The following SIPA1L2 variants were observed in gnomAD, a reference collection of about 807,000 sequenced individuals.
SIPA1L2 encodes the protein signal induced proliferation associated 1 like 2.
SIPA1L2 carries 56 observed loss-of-function variants against 163.9 expected under a neutral mutation model. The ratio of observed to expected loss-of-function variants is 0.34; its 90% CI spans 0.28 to 0.43. SIPA1L2 has a LOEUF of 0.43. Ranked by LOEUF, SIPA1L2 falls within the 20% of genes least tolerant of loss-of-function variation. The pLI is 1.00. For missense variants in SIPA1L2, 1,974 were observed against 2,193.5 expected (o/e 0.90, Z 2.00); for synonymous variants, 877 against 865.7 (o/e 1.01, Z -0.23).
chr1:232,475,378 C>G (rs1664990366), intron 7 of SIPA1L2, among the ~76,000 whole-genome samples: 1 of 152,200 alleles, frequency 6.6e-6, no homozygotes, highest in South Asian at 2.1e-4. Flanking sequence ...CCTAATTTTG[C>G]ACTTATACAT....
intron 8 of SIPA1L2, among the ~76,000 whole-genome samples, chr1:232,467,274 G>A (rs1664571073): frequency 6.6e-6 from 1 of 152,116 alleles, no homozygotes. Flanking sequence ...AGCACCTAGT[G>A]GTGCTTTATG....
chr1:232,450,947 G>A (rs1303707996), intron 10 of SIPA1L2, among the ~76,000 whole-genome samples: 2 of 152,204 alleles, frequency 1.3e-5, no homozygotes, highest in East Asian at 3.9e-4. Flanking sequence ...TGTGCAGAAA[G>A]TCATATAGGA....
intron 2 of SIPA1L2, among the ~76,000 whole-genome samples, chr1:232,537,482 A>G (rs1245722598): frequency 6.6e-6 from 1 of 152,158 alleles, no homozygotes; most frequent in African/African-American, 2.4e-5. Context: ...ACTAAAATTC[A>G]AAAGATAAAA....
chr1:232,552,856 G>A (rs1039312536), intron 2 of SIPA1L2, among the ~76,000 whole-genome samples: 6 of 152,178 alleles, frequency 3.9e-5, no homozygotes, highest in Admixed American at 2.0e-4. Flanking sequence ...ACAACGGGGG[G>A]TGGCACCCCT....
At chr1:232,556,042 G>T (rs1315156300) in intron 2 of SIPA1L2, among the ~76,000 whole-genome samples, 1 of 152,202 alleles carries the variant, frequency 6.6e-6, no homozygotes, top group Non-Finnish European at 1.5e-5. Flanking sequence ...GCTAACACAG[G>T]ATTCCTTAAA....
chr1:232,421,208 C>T (rs1305956669), intron 18 of SIPA1L2, among the ~76,000 whole-genome samples: 1 of 152,182 alleles, frequency 6.6e-6, no homozygotes, highest in South Asian at 2.1e-4. Flanking sequence ...ACAATTCTTA[C>T]TGCCCATGTT....
intron 2 of SIPA1L2, among the ~76,000 whole-genome samples, chr1:232,517,250 T>C (rs979990405): frequency 1.3e-5 from 2 of 152,300 alleles, no homozygotes; most frequent in East Asian, 1.9e-4. Context: ...ATCCAAATAA[T>C]GAGGACAAAC....
At chr1:232,581,816 C>A (rs1321874396) in intron 1 of SIPA1L2, among the ~76,000 whole-genome samples, 1 of 152,140 alleles carries the variant, frequency 6.6e-6, no homozygotes, top group Non-Finnish European at 1.5e-5. Context: ...TCCCCTTACC[C>A]AAAATAAACA....
intron 2 of SIPA1L2, among the ~76,000 whole-genome samples, chr1:232,544,363 T>C (rs553353031): frequency 1.3e-3 from 200 of 152,186 alleles, no homozygotes; most frequent in Non-Finnish European, 1.4e-3. Flanking sequence ...AGATGGAGAC[T>C]ATCCTGGCTA....
chr1:232,474,599 C>G (rs61823599), intron 7 of SIPA1L2, among the ~76,000 whole-genome samples: 33,845 of 152,062 alleles, frequency 0.22, 4,069 homozygotes, highest in Middle Eastern at 0.32. Context: ...TATTTCAAAG[C>G]AGCTGCAAAA....
chr1:232,623,124 G>A (rs1662904645), intron 1 of SIPA1L2, among the ~76,000 whole-genome samples: 1 of 152,206 alleles, frequency 6.6e-6, no homozygotes, highest in African/African-American at 2.4e-5. Flanking sequence ...GCTCCCTGCT[G>A]TCTCTCCTCA....
At chr1:232,582,675 A>C (rs998880969) in intron 1 of SIPA1L2, among the ~76,000 whole-genome samples, 2 of 152,172 alleles carry the variant, frequency 1.3e-5, no homozygotes, top group Admixed American at 1.3e-4. Context: ...TATACCCAGT[A>C]ATGGAATTGC....
chr1:232,504,678 T>G (rs750071940), intron 3 of SIPA1L2, among the ~76,000 whole-genome samples: 1 of 152,236 alleles, frequency 6.6e-6, no homozygotes, highest in Non-Finnish European at 1.5e-5. Flanking sequence ...TTTGCTCTTT[T>G]GACCCAAATT....
rs1044243951 is a variant in SIPA1L2, at chr1:232,460,921, T to C, written c.3061A>G (p.Ile1021Val). The C allele has an allele frequency of 9.3e-6, 15 of 1,614,088 alleles. No homozygotes were observed. Among genetic ancestry groups the C allele is most frequent in the Non-Finnish European group, 1.0e-5 (12 of 1,180,032 alleles). ...GAGCCGTCATCATGGGGCTGGATGA[T>C]GACCACCTTCACAGTCACAGAAGTA... Reference protein sequence around the residue: ...LRTSVTVKVVIIQPHDDGSPR... With the variant: ...LRTSVTVKVVVIQPHDDGSPR... The change falls in exon 10 of 23, where the codon ATC (isoleucine) becomes GTC (valine). Residue 1021 changes from isoleucine (I) to valine (V), a missense_variant. Coordinates refer to ENST00000674635, the MANE Select transcript of SIPA1L2 (RefSeq NM_020808.5).
At position 232,629,975 on chromosome 1, in the gene SIPA1L2, C is replaced by G. The variant is rs1049152543; in HGVS notation, c.-425G>C. Among the ~76,000 whole-genome samples the G allele has an allele frequency of 2.0e-5, 3 of 150,578 alleles. No individual in the cohort carries two copies. Among genetic ancestry groups the G allele is most frequent in the Non-Finnish European group, 3.0e-5 (2 of 67,504 alleles). ...CCGCTGCCCGGGGCTGCCCATCGGC[C>G]CGGACTCTCCCCGCGCCGGGCTCCG... On this transcript the variant is annotated 5_prime_UTR_variant, in exon 1 of 23. Coordinates refer to ENST00000674635, the MANE Select transcript of SIPA1L2 (RefSeq NM_020808.5).
At chr1:232,604,458 G>A (rs1003520435) in intron 1 of SIPA1L2, among the ~76,000 whole-genome samples, 7 of 152,192 alleles carry the variant, frequency 4.6e-5, no homozygotes, top group Non-Finnish European at 7.3e-5. Flanking sequence ...CCAGGCACTT[G>A]ACAAAGCACT....
rs1363226104 is a variant in SIPA1L2 at position 232,400,385 on chromosome 1, A to G, written c.5023-1112T>C. ...GTGATCCATGAACTTGGATTCTGCC[A>G]AGAAGACCTTGTGCACGCTCAGTCT... is the stretch of plus-strand genomic sequence containing the variant. On this transcript the variant is annotated intron_variant, in intron 22 of 22. Coordinates refer to ENST00000674635, the MANE Select transcript of SIPA1L2 (RefSeq NM_020808.5). Among the ~76,000 whole-genome samples, 3 of 152,144 alleles carry G rather than the reference A, an allele frequency of 2.0e-5. 1 individual carries two copies. The highest frequency in any genetic ancestry group is 2.0e-4 in the Admixed American group (3 of 15,274).
chr1:232,559,890 C>A (rs1658933178), intron 2 of SIPA1L2, among the ~76,000 whole-genome samples: 1 of 152,176 alleles, frequency 6.6e-6, no homozygotes, highest in African/African-American at 2.4e-5. Flanking sequence ...TAATTCAATG[C>A]AGATATAAAC....
chr1:232,401,553 T>G (rs965431284), intron 22 of SIPA1L2, among the ~76,000 whole-genome samples: 9 of 152,200 alleles, frequency 5.9e-5, no homozygotes, highest in African/African-American at 2.2e-4. Flanking sequence ...CCTGTGTATG[T>G]GAATGAACAT....
Sources: allele counts gnomAD v4.1 joint callset (sites outside exome capture counted in the v4.1 genomes callset), GRCh38; gene constraint gnomAD v4.1.1; transcripts MANE v1.5; gene names NCBI Gene and HGNC (gene_info 2026-07-23, HGNC 2026-07-21).